The following RGL1 variants were observed in gnomAD, a reference collection of about 807,000 sequenced individuals.
The protein encoded by RGL1 is ral guanine nucleotide dissociation stimulator-like 1.
A neutral mutation model predicts 95.2 loss-of-function variants in RGL1; 24 were observed. The observed-to-expected ratio is 0.25, with a 90% CI of 0.18 to 0.35. The LOEUF (loss-of-function observed/expected upper bound fraction) is 0.35. Ranked by LOEUF, RGL1 falls within the 10% of genes least tolerant of loss-of-function variation. RGL1 has a pLI of 1.00. For synonymous variants in RGL1, 329 were observed against 344.9 expected (o/e 0.95, Z 0.51); for missense variants, 715 against 936.3 (o/e 0.76, Z 3.08).
chr1:183,908,797 A>C (rs778013334), intron 14 of RGL1, among the ~76,000 whole-genome samples: 27 of 152,164 alleles, frequency 1.8e-4, no homozygotes, highest in Non-Finnish European at 3.5e-4. Flanking sequence ...GAAAAAAACA[A>C]AAATTCTCAA....
At chr1:183,764,066 A>G (rs1308568139) in intron 2 of RGL1, among the ~76,000 whole-genome samples, 1 of 152,238 alleles carries the variant, frequency 6.6e-6, no homozygotes, top group East Asian at 1.9e-4. Flanking sequence ...CCTGAACTAA[A>G]TAGCATTGTG....
At chr1:183,696,945 T>C (rs929794218) in intron 1 of RGL1, among the ~76,000 whole-genome samples, 3 of 152,248 alleles carry the variant, frequency 2.0e-5, no homozygotes, top group Admixed American at 1.3e-4. Flanking sequence ...TGCCTCCTAA[T>C]TGGCCTCCCT....
chr1:183,655,455 A>G (rs1041397647), intron 1 of RGL1, among the ~76,000 whole-genome samples: 2 of 152,266 alleles, frequency 1.3e-5, no homozygotes, highest in Non-Finnish European at 2.9e-5. Context: ...GCTCAAATTC[A>G]TGTAGCAGTA....
At chr1:183,732,098 C>T (rs1656663541) in intron 1 of RGL1, among the ~76,000 whole-genome samples, 1 of 152,106 alleles carries the variant, frequency 6.6e-6, no homozygotes, top group Admixed American at 6.6e-5. Context: ...TGCAAATTTG[C>T]CATCTTGTTA....
At chr1:183,796,062 A>G (rs1240602842) in intron 2 of RGL1, among the ~76,000 whole-genome samples, 8 of 152,154 alleles carry the variant, frequency 5.3e-5, no homozygotes, top group Non-Finnish European at 4.4e-5. Context: ...TCTAGATAAT[A>G]GAAAACATTA....
chr1:183,793,545 A>G (rs1200591229), intron 2 of RGL1, among the ~76,000 whole-genome samples: 2 of 152,176 alleles, frequency 1.3e-5, no homozygotes, highest in Non-Finnish European at 2.9e-5. Flanking sequence ...AATATCCAGA[A>G]TATATAAGGA....
rs191827799 is a variant in RGL1, at chr1:183,728,023, A to T, written c.-32-14103A>T. On this transcript the variant is annotated intron_variant, in intron 1 of 18. Transcript: ENST00000304685. ...TAAAACAGGTTGCCTTCCCCAGTGT[A>T]TATGGGCCTCATCTAATCCAATTCA... 3.9e-3 allele frequency among the ~76,000 whole-genome samples: 601 copies of T among 152,262 alleles called. 4 individuals carry two copies. The highest frequency in any genetic ancestry group is 0.014 in the African/African-American group (568 of 41,562).
At chr1:183,793,642 A>C (rs898171158) in intron 2 of RGL1, among the ~76,000 whole-genome samples, 3 of 152,182 alleles carry the variant, frequency 2.0e-5, no homozygotes, top group African/African-American at 7.2e-5. Context: ...TCTCAAAAAA[A>C]GACATACAAT....
intron 1 of RGL1, among the ~76,000 whole-genome samples, chr1:183,651,348 A>T (rs78535748): frequency 2.0e-5 from 3 of 152,146 alleles, no homozygotes; most frequent in Non-Finnish European, 2.9e-5. Flanking sequence ...CTCACTTATC[A>T]TATCACAAGT....
At chr1:183,899,401 G>A (rs1338219195) in intron 10 of RGL1, among the ~76,000 whole-genome samples, 2 of 152,168 alleles carry the variant, frequency 1.3e-5, no homozygotes. Flanking sequence ...TATGACCTTG[G>A]TTGTCTTAAG....
chr1:183,790,142 G>A (rs1660375707), intron 2 of RGL1, among the ~76,000 whole-genome samples: 1 of 151,798 alleles, frequency 6.6e-6, no homozygotes, highest in South Asian at 2.1e-4. Context: ...GTCATAGCTG[G>A]TCTCGAACTC....
intron 2 of RGL1, among the ~76,000 whole-genome samples, chr1:183,788,699 T>C (rs1230426771): frequency 6.6e-6 from 1 of 152,138 alleles, no homozygotes; most frequent in Non-Finnish European, 1.5e-5. Context: ...TTACATAAAA[T>C]AAAACAAAAA....
At chr1:183,733,138 T>A (rs1336233324) in intron 1 of RGL1, among the ~76,000 whole-genome samples, 1 of 152,140 alleles carries the variant, frequency 6.6e-6, no homozygotes, top group Non-Finnish European at 1.5e-5. Flanking sequence ...TTTTTTTTAA[T>A]GTTGGAGTGT....
chr1:183,666,594 C>T (rs1478920084), intron 1 of RGL1, among the ~76,000 whole-genome samples: 2 of 151,938 alleles, frequency 1.3e-5, no homozygotes, highest in Middle Eastern at 3.4e-3. Flanking sequence ...CGCAGGCCAT[C>T]CACCTGATTT....
At chr1:183,639,258 T>G (rs12041999) in intron 1 of RGL1, among the ~76,000 whole-genome samples, 10,055 of 150,154 alleles carry the variant, frequency 0.067, 587 homozygotes, top group African/African-American at 0.16. Context: ...TCCAGCCTGG[T>G]TGACAGAGCA....
intron 1 of RGL1, among the ~76,000 whole-genome samples, chr1:183,692,835 C>T (rs1039088894): frequency 2.6e-5 from 4 of 152,002 alleles, no homozygotes; most frequent in Admixed American, 1.3e-4. Flanking sequence ...ATCCTGATAG[C>T]GGTGGTGTTT....
intron 1 of RGL1, among the ~76,000 whole-genome samples, chr1:183,659,457 G>C (rs1157280472): frequency 6.6e-6 from 1 of 152,254 alleles, no homozygotes; most frequent in Non-Finnish European, 1.5e-5. Context: ...AAGGGTATCA[G>C]TGATGGAAGA....
intron 1 of RGL1, among the ~76,000 whole-genome samples, chr1:183,723,565 G>C (rs192681187): frequency 6.6e-6 from 1 of 152,318 alleles, no homozygotes; most frequent in East Asian, 1.9e-4. Flanking sequence ...TGTCACAGTG[G>C]AAACAATACT....
chr1:183,647,606 A>G, intron 1 of RGL1: 1 of 1,500,874 alleles, frequency 6.7e-7, no homozygotes, highest in Non-Finnish European at 8.8e-7. Context: ...CTGAGAGAGA[A>G]AGTTTCCAGA....
Sources: gnomAD v4.1 joint callset for allele counts (sites outside exome capture counted in the v4.1 genomes callset) on GRCh38, gnomAD v4.1.1 for gene constraint, MANE v1.5 for transcripts, NCBI Gene and HGNC (gene_info 2026-07-23, HGNC 2026-07-21) for gene names.